Variants in GPM6A observed in about 807,000 individuals in gnomAD.
GPM6A encodes the protein glycoprotein M6A, also known as neuronal membrane glycoprotein M6-a.
Under a neutral mutation model 32.1 loss-of-function variants are expected in GPM6A, and 7 were observed. That is an observed-to-expected ratio of 0.22 (90% CI 0.12 to 0.41). The LOEUF (loss-of-function observed/expected upper bound fraction) is 0.41, where lower values mean the gene tolerates loss of function less well. Ranked by LOEUF, GPM6A falls within the 10% of genes least tolerant of loss-of-function variation. The pLI, the probability that GPM6A is intolerant of heterozygous loss-of-function variation, is 1.00. For missense variants in GPM6A, 235 were observed against 347.2 expected, an observed-to-expected ratio of 0.68 and a Z score of 2.57; for synonymous variants, 130 against 123.4, an observed-to-expected ratio of 1.05 and a Z score of -0.35.
chr4:175,977,681 C>T lies in GPM6A; in HGVS notation c.-23+24628G>A, dbSNP rs538596299. ...AATCTTAATAATTCTCTTCTTCCTT[C>T]CCATATCATTAGCCTTACAGTGAGG... On this transcript the variant is annotated intron_variant, in intron 1 of 7. Coordinates refer to the GPM6A transcript ENST00000280187. 1.8e-4 allele frequency among the ~76,000 whole-genome samples: 28 copies of T among 152,276 alleles called. No homozygotes were observed. The South Asian group carries it at 5.8e-3, about 32-fold the overall frequency.
At chr4:175,718,355 C>T (rs1416156997) in intron 1 of GPM6A, among the ~76,000 whole-genome samples, 2 of 152,058 alleles carry the variant, frequency 1.3e-5, no homozygotes, top group Admixed American at 6.5e-5. Context: ...GTGGCTCACA[C>T]CTGTAATCCC....
chr4:175,983,860 T>C (rs187798567), intron 1 of GPM6A, among the ~76,000 whole-genome samples: 203 of 152,300 alleles, frequency 1.3e-3, no homozygotes, highest in African/African-American at 4.0e-3. Context: ...TGCTATTATA[T>C]TTTCCTTAAA....
intron 2 of GPM6A, among the ~76,000 whole-genome samples, chr4:175,693,249 A>G (rs1744393363): frequency 6.7e-6 from 1 of 150,064 alleles, no homozygotes; most frequent in Non-Finnish European, 1.5e-5. Context: ...ACATAAGATT[A>G]GCCTAAATAT....
rs376514560 is a variant in GPM6A at position 176,001,035 on chromosome 4, T to C, written c.-23+1274A>G. On this transcript the variant is annotated intron_variant, in intron 1 of 7. Coordinates refer to the GPM6A transcript ENST00000280187. The stretch of plus-strand genomic sequence containing the variant: ...GTCAAGCAAGAAGAGACTATGAAAG[T>C]CTTGATCACAGCTAACATTCATAGG... Among the ~76,000 whole-genome samples, 73 of 152,294 alleles carry C rather than the reference T, an allele frequency of 4.8e-4. No homozygotes were observed. In the East Asian group the frequency reaches 0.013, roughly 27 times the overall value.
intron 1 of GPM6A, among the ~76,000 whole-genome samples, chr4:175,929,010 T>C (rs1006033908): frequency 6.6e-6 from 1 of 152,200 alleles, no homozygotes; most frequent in Non-Finnish European, 1.5e-5. Context: ...AAGTGACAGA[T>C]GCAAAAGAAA....
intron 1 of GPM6A, among the ~76,000 whole-genome samples, chr4:175,875,551 C>T (rs540981472): frequency 6.6e-6 from 1 of 152,278 alleles, no homozygotes; most frequent in South Asian, 2.1e-4. Flanking sequence ...TAATGAACTA[C>T]ATGATGACTA....
At chr4:175,935,766 A>T (rs1213418753) in intron 1 of GPM6A, among the ~76,000 whole-genome samples, 1 of 152,054 alleles carries the variant, frequency 6.6e-6, no homozygotes, top group Non-Finnish European at 1.5e-5. Context: ...AAAATTTTAT[A>T]ATTTTATAAG....
chr4:175,678,991 A>T (rs959887022), intron 2 of GPM6A, among the ~76,000 whole-genome samples: 1 of 152,182 alleles, frequency 6.6e-6, no homozygotes, highest in African/African-American at 2.4e-5. Flanking sequence ...CACAGTGTAT[A>T]GTTATTGACC....
rs35653197 is a variant in GPM6A, at chr4:175,936,306, C to CAAAAAAAAAAAAA, written c.-23+65990_-23+66002dup. The stretch of plus-strand genomic sequence containing the variant: ...GGGCGACACAGCGAGACTCTGTCTC[C>CAAAAAAAAAAAAA]AAAAAAAAAAAAAAAAAAAAAAAAA... On this transcript the variant is annotated intron_variant, in intron 1 of 7. Coordinates refer to the GPM6A transcript ENST00000280187. Among the ~76,000 whole-genome samples the CAAAAAAAAAAAAA allele has an allele frequency of 2.0e-4, 9 of 45,602 alleles. 1 individual carries two copies. Among genetic ancestry groups the CAAAAAAAAAAAAA allele is most frequent in the Non-Finnish European group, 2.6e-4 (7 of 27,368 alleles). The allele number at this position is 45,602 out of a possible 152,430, so 29.9% of individuals were successfully genotyped here.
chr4:175,757,441 C>A (rs570846229), intron 1 of GPM6A, among the ~76,000 whole-genome samples: 4 of 152,028 alleles, frequency 2.6e-5, no homozygotes, highest in Non-Finnish European at 4.4e-5. Context: ...CCACAGTAAT[C>A]GTGGGATATA....
chr4:175,944,130 C>G (rs900230147), intron 1 of GPM6A, among the ~76,000 whole-genome samples: 1 of 152,046 alleles, frequency 6.6e-6, no homozygotes, highest in Admixed American at 6.6e-5. Flanking sequence ...AGAAATTTAA[C>G]CATTTCTAGA....
At chr4:175,672,983 G>T (rs999318867) in intron 3 of GPM6A, among the ~76,000 whole-genome samples, 1 of 152,112 alleles carries the variant, frequency 6.6e-6, no homozygotes, top group Non-Finnish European at 1.5e-5. Context: ...TGAATTATAT[G>T]CTATAATTAG....
At chr4:175,822,385 C>T (rs1029978755) in intron 1 of GPM6A, among the ~76,000 whole-genome samples, 1 of 151,944 alleles carries the variant, frequency 6.6e-6, no homozygotes, top group Admixed American at 6.6e-5. Context: ...TTAGGAGAAT[C>T]GTTTATTAAA....
chr4:175,648,275 A>G (rs1262770862), intron 4 of GPM6A, among the ~76,000 whole-genome samples: 1 of 152,146 alleles, frequency 6.6e-6, no homozygotes, highest in East Asian at 1.9e-4. Context: ...GTGGCCAGAG[A>G]GTAGACTGCA....
chr4:175,805,752 C>CT (rs925264762), intron 1 of GPM6A, among the ~76,000 whole-genome samples: 1 of 152,078 alleles, frequency 6.6e-6, no homozygotes, highest in Non-Finnish European at 1.5e-5. Context: ...GTCATTCTTC[C>CT]TTTTTTCTCT....
At chr4:175,823,131 A>G (rs558184020) in intron 1 of GPM6A, among the ~76,000 whole-genome samples, 29 of 152,278 alleles carry the variant, frequency 1.9e-4, no homozygotes, top group Non-Finnish European at 3.1e-4. Flanking sequence ...CAACTTTCTC[A>G]AGGCTACGCA....
At chr4:175,888,673 T>C (rs1353503585) in intron 1 of GPM6A, among the ~76,000 whole-genome samples, 2 of 152,088 alleles carry the variant, frequency 1.3e-5, no homozygotes, top group South Asian at 2.1e-4. Context: ...TTTTAAATCA[T>C]TGAAGAACAG....
At chr4:175,745,189 T>A (rs1732052460) in intron 1 of GPM6A, among the ~76,000 whole-genome samples, 1 of 152,156 alleles carries the variant, frequency 6.6e-6, no homozygotes, top group Non-Finnish European at 1.5e-5. Flanking sequence ...ATGCGCTAAA[T>A]GTAAATCTGT....
chr4:175,650,260 G>T lies in GPM6A; in HGVS notation c.541+1574C>A, dbSNP rs969023208. Among the ~76,000 whole-genome samples, 135 of 150,414 alleles carry T rather than the reference G, an allele frequency of 9.0e-4. 4 individuals are homozygous for T. The highest frequency in any genetic ancestry group is 2.2e-4 in the Non-Finnish European group (15 of 67,728). The stretch of plus-strand genomic sequence containing the variant: ...ACTGCTCACTTATTTGGCACTCTTT[G>T]ATTTCATTATTTTATTTATTTATTT... On this transcript the variant is annotated intron_variant, in intron 4 of 6. Transcript: ENST00000393658.
Sources: allele counts gnomAD v4.1 joint callset (sites outside exome capture counted in the v4.1 genomes callset), GRCh38; gene constraint gnomAD v4.1.1; transcripts MANE v1.5; gene names NCBI Gene and HGNC (gene_info 2026-07-23, HGNC 2026-07-21).